The following ARHGAP28 variants were observed in gnomAD, a reference collection of about 807,000 sequenced individuals.
The protein encoded by ARHGAP28 is rho GTPase-activating protein 28.
Under a neutral mutation model 90.7 loss-of-function variants are expected in ARHGAP28, and 56 were observed. The observed-to-expected ratio is 0.62, with a 90% confidence interval of 0.50 to 0.77. The LOEUF (loss-of-function observed/expected upper bound fraction) is 0.77. ARHGAP28 is among the 30% of genes least tolerant of loss of function. ARHGAP28 has a pLI of 0.00. For missense variants in ARHGAP28, 869 were observed against 900.9 expected, an observed-to-expected ratio of 0.96 and a Z score of 0.45; for synonymous variants, 308 against 323.3, an observed-to-expected ratio of 0.95 and a Z score of 0.51.
At chr18:6,846,245 G>A (rs929111492) in intron 3 of ARHGAP28, among the ~76,000 whole-genome samples, 1 of 152,162 alleles carries the variant, frequency 6.6e-6, no homozygotes, top group African/African-American at 2.4e-5. Context: ...ATTCTTTGCT[G>A]TTCCAAGAAT....
intron 1 of ARHGAP28, among the ~76,000 whole-genome samples, chr18:6,787,219 TAAAAAAAAAAAAA>T (rs11350947): frequency 3.2e-5 from 3 of 94,642 alleles, no homozygotes; most frequent in Non-Finnish European, 6.2e-5. Context: ...AAACTCCATT[TAAAAAAAAAAAAA>T]AAAAAAAAAA....
chr18:6,758,542 T>G (rs528183247), intron 1 of ARHGAP28, among the ~76,000 whole-genome samples: 1 of 152,308 alleles, frequency 6.6e-6, no homozygotes, highest in Admixed American at 6.5e-5. Context: ...CAGGCTGGTC[T>G]CGAACTCCTG....
chr18:6,907,763 A>G (rs562705108), intron 16 of ARHGAP28, among the ~76,000 whole-genome samples: 21 of 152,328 alleles, frequency 1.4e-4, no homozygotes, highest in Non-Finnish European at 2.8e-4. Context: ...CATTCTGGTC[A>G]TGATACTGCA....
chr18:6,733,039 A>G (rs1466500255), intron 1 of ARHGAP28, among the ~76,000 whole-genome samples: 2 of 152,174 alleles, frequency 1.3e-5, no homozygotes, highest in Admixed American at 6.5e-5. Flanking sequence ...CCAATCTTGC[A>G]ACCGAAGAAT....
intron 1 of ARHGAP28, among the ~76,000 whole-genome samples, chr18:6,800,546 C>T (rs891436698): frequency 3.3e-5 from 5 of 152,192 alleles, no homozygotes; most frequent in Admixed American, 3.3e-4. Context: ...AGGATGAGTT[C>T]ATGTCCTTTG....
intron 1 of ARHGAP28, among the ~76,000 whole-genome samples, chr18:6,747,729 A>T (rs6506439): frequency 0.48 from 73,509 of 151,934 alleles, 18,325 homozygotes; most frequent in South Asian, 0.7. Context: ...CATTGGAAGT[A>T]GCTGATTTAA....
At chr18:6,815,708 G>A (rs1000181383) in intron 1 of ARHGAP28, among the ~76,000 whole-genome samples, 1 of 152,208 alleles carries the variant, frequency 6.6e-6, no homozygotes, top group Admixed American at 6.5e-5. Flanking sequence ...TATAATTTAT[G>A]TACAGGCATA....
chr18:6,896,477 G>A (rs2057305495), intron 15 of ARHGAP28, 25 bp from the exon 16 acceptor site: 19 of 1,613,108 alleles, frequency 1.2e-5, no homozygotes, highest in Non-Finnish European at 1.6e-5. Flanking sequence ...TTGACAGACT[G>A]TACTGAATTT....
intron 3 of ARHGAP28, among the ~76,000 whole-genome samples, chr18:6,840,007 G>C (rs139937339): frequency 4.3e-4 from 66 of 152,224 alleles, no homozygotes; most frequent in African/African-American, 1.6e-3. Flanking sequence ...GTTCTAGCTG[G>C]AGCACTGGGA....
chr18:6,910,034 G>C (rs950117101), intron 17 of ARHGAP28, among the ~76,000 whole-genome samples: 1 of 151,938 alleles, frequency 6.6e-6, no homozygotes, highest in Non-Finnish European at 1.5e-5. Context: ...CAGTGTCTAC[G>C]CTCCAATTTC....
intron 1 of ARHGAP28, among the ~76,000 whole-genome samples, chr18:6,737,525 G>T (rs2055938952): frequency 6.6e-6 from 1 of 152,154 alleles, no homozygotes; most frequent in African/African-American, 2.4e-5. Flanking sequence ...TTACAACTAT[G>T]TAAAGGCAAT....
At chr18:6,734,259 G>A (rs1040278764) in intron 1 of ARHGAP28, among the ~76,000 whole-genome samples, 1 of 152,154 alleles carries the variant, frequency 6.6e-6, no homozygotes, top group Non-Finnish European at 1.5e-5. Flanking sequence ...AAAATGAAAC[G>A]TAGCTGAGGA....
At chr18:6,785,478 C>T (rs2056358229) in intron 1 of ARHGAP28, among the ~76,000 whole-genome samples, 1 of 152,320 alleles carries the variant, frequency 6.6e-6, no homozygotes, top group South Asian at 2.1e-4. Flanking sequence ...ACAAGTCCTT[C>T]TTTGGCCCAG....
At chr18:6,817,440 G>T (rs2056599258) in intron 1 of ARHGAP28, among the ~76,000 whole-genome samples, 1 of 152,198 alleles carries the variant, frequency 6.6e-6, no homozygotes, top group East Asian at 1.9e-4. Flanking sequence ...ATTCCCCTTA[G>T]TGGGATACAG....
intron 17 of ARHGAP28, among the ~76,000 whole-genome samples, chr18:6,910,997 A>G (rs1266490432): frequency 5.9e-5 from 9 of 151,860 alleles, no homozygotes; most frequent in African/African-American, 1.5e-4. Context: ...GGCGCCCATC[A>G]CCACGCCCGG....
chr18:6,731,788 CAG>C (rs746543213), intron 1 of ARHGAP28, among the ~76,000 whole-genome samples: 32 of 152,220 alleles, frequency 2.1e-4, no homozygotes, highest in Non-Finnish European at 2.1e-4. Flanking sequence ...AGTCTGATAA[CAG>C]AAATAATCAG....
intron 1 of ARHGAP28, among the ~76,000 whole-genome samples, chr18:6,797,864 G>A (rs887473883): frequency 6.6e-6 from 1 of 152,090 alleles, no homozygotes; most frequent in African/African-American, 2.4e-5. Flanking sequence ...GTTTCACCAT[G>A]TTGGTCAGGC....
intron 1 of ARHGAP28, among the ~76,000 whole-genome samples, chr18:6,814,238 A>T (rs1051944754): frequency 2.6e-5 from 4 of 152,154 alleles, no homozygotes; most frequent in African/African-American, 9.7e-5. Context: ...AGCTGAAGTG[A>T]GGGCCCATGA....
At chr18:6,863,706 T>A (rs2057015455) in intron 5 of ARHGAP28, among the ~76,000 whole-genome samples, 1 of 151,606 alleles carries the variant, frequency 6.6e-6, no homozygotes, top group South Asian at 2.1e-4. Context: ...TTATAATTTG[T>A]ATATATTTTT....
Sources: allele counts gnomAD v4.1 joint callset (sites outside exome capture counted in the v4.1 genomes callset), GRCh38; gene constraint gnomAD v4.1.1; transcripts MANE v1.5; gene names NCBI Gene and HGNC (gene_info 2026-07-23, HGNC 2026-07-21).